GTF2IRD1: variants seen among roughly 807,000 people sequenced by gnomAD.
GTF2IRD1 encodes GTF2I repeat domain containing 1.
A neutral mutation model predicts 113.2 loss-of-function variants in GTF2IRD1; 26 were observed. The observed-to-expected ratio is 0.23, with a 90% confidence interval of 0.17 to 0.32. The LOEUF (loss-of-function observed/expected upper bound fraction) is 0.32, where lower values mean the gene tolerates loss of function less well. GTF2IRD1 is among the 10% of genes least tolerant of loss of function. The probability of loss-of-function intolerance (pLI) is 1.00; values close to 1 mark genes in which losing one functional copy is unlikely to be tolerated. For missense variants in GTF2IRD1, 864 were observed against 1,280.8 expected (o/e 0.67, Z 4.97); for synonymous variants, 484 against 529.1 (o/e 0.91, Z 1.17).
chr7:74,566,006 AACACACAC>A (rs66556824), intron 22 of GTF2IRD1, among the ~76,000 whole-genome samples: 3 of 143,216 alleles, frequency 2.1e-5, no homozygotes, highest in South Asian at 4.6e-4. Flanking sequence ...AAGACACACA[AACACACAC>A]ACACACACAC....
At chr7:74,490,026 G>A (rs37607) in intron 1 of GTF2IRD1, among the ~76,000 whole-genome samples, 38,721 of 151,918 alleles carry the variant, frequency 0.25, 5,671 homozygotes, top group Middle Eastern at 0.34. Context: ...GGACTGCAGT[G>A]CTGCAGTCAT....
chr7:74,516,051 C>T, intron 4 of GTF2IRD1, among the ~76,000 whole-genome samples: 1 of 152,270 alleles, frequency 6.6e-6, no homozygotes, highest in East Asian at 1.9e-4. Flanking sequence ...ACCTTCTTCT[C>T]CCACTAGGTG....
At chr7:74,563,211 T>C (rs1187029514) in intron 22 of GTF2IRD1, among the ~76,000 whole-genome samples, 2 of 151,968 alleles carry the variant, frequency 1.3e-5, no homozygotes, top group African/African-American at 4.8e-5. Flanking sequence ...GGTGAAGAGA[T>C]GACTGTGGCA....
intron 25 of GTF2IRD1, among the ~76,000 whole-genome samples, chr7:74,599,603 G>A (rs1185666946): frequency 1.3e-5 from 2 of 152,138 alleles, no homozygotes; most frequent in Non-Finnish European, 2.9e-5. Flanking sequence ...TTCTTTCACT[G>A]GGGCACTGCC....
intron 1 of GTF2IRD1, among the ~76,000 whole-genome samples, chr7:74,504,892 G>C (rs1292055113): frequency 1.3e-5 from 2 of 151,762 alleles, no homozygotes; most frequent in Non-Finnish European, 2.9e-5. Context: ...ATTTTTAGTA[G>C]AGACGGGGTT....
intron 1 of GTF2IRD1, among the ~76,000 whole-genome samples, chr7:74,491,429 A>G (rs1359169959): frequency 7.0e-6 from 1 of 143,128 alleles, no homozygotes; most frequent in African/African-American, 2.6e-5. Context: ...TCACCCAGGT[A>G]TTAAGCCCAG....
chr7:74,535,283 G>A, intron 10 of GTF2IRD1, 145 bp downstream of exon 10: 1 of 719,656 alleles, frequency 1.4e-6, no homozygotes, highest in South Asian at 1.5e-5. Flanking sequence ...TGTGTCCTGG[G>A]ACAGAAATGG....
chr7:74,577,227 C>T (rs372662286), intron 22 of GTF2IRD1, among the ~76,000 whole-genome samples: 11 of 152,062 alleles, frequency 7.2e-5, no homozygotes, highest in African/African-American at 2.2e-4. Context: ...TTAGTAGAGA[C>T]GGGATTTCGC....
chr7:74,529,432 T>G (rs1426912892), intron 8 of GTF2IRD1, among the ~76,000 whole-genome samples: 8 of 151,830 alleles, frequency 5.3e-5, no homozygotes, highest in Admixed American at 5.3e-4. Flanking sequence ...TGTATTTTAC[T>G]TTCTGCAGAG....
rs569898945 is a variant in GTF2IRD1, at chr7:74,468,259, C to T, written c.-7+14083C>T. ...GCTCAGGCATGTAATTTTAGCACTTCGGAAGGCCGAGATGGGCAGATTGCT... is the reference window on the plus strand; with the variant it reads ...GCTCAGGCATGTAATTTTAGCACTTTGGAAGGCCGAGATGGGCAGATTGCT... On this transcript the variant is annotated intron_variant, in intron 1 of 26. Coordinates refer to ENST00000424337, the MANE Select transcript of GTF2IRD1 (RefSeq NM_005685.4). Among the ~76,000 whole-genome samples the T allele has an allele frequency of 2.6e-5, 4 of 151,834 alleles. No homozygotes were observed. In the East Asian group the frequency reaches 5.8e-4, roughly 22 times the overall value.
chr7:74,538,245 T>G, intron 12 of GTF2IRD1, 72 bp downstream of exon 12: 1 of 1,474,012 alleles, frequency 6.8e-7, no homozygotes, highest in East Asian at 2.3e-5. Context: ...CCGGCAGCCT[T>G]GGGGAGGAGC....
chr7:74,463,863 A>G (rs558374068), intron 1 of GTF2IRD1, among the ~76,000 whole-genome samples: 1 of 152,052 alleles, frequency 6.6e-6, no homozygotes, highest in East Asian at 1.9e-4. Flanking sequence ...AGCTGGGATC[A>G]CAGGTGCGTG....
chr7:74,507,697 A>G, intron 1 of GTF2IRD1: 1 of 192,046 alleles, frequency 5.2e-6, no homozygotes, highest in Non-Finnish European at 1.1e-5. Flanking sequence ...TACCAGGCTG[A>G]GGAGTTGAGA....
chr7:74,599,101 A>T (rs1802592690), intron 25 of GTF2IRD1, among the ~76,000 whole-genome samples: 2 of 152,032 alleles, frequency 1.3e-5, no homozygotes, highest in Non-Finnish European at 2.9e-5. Context: ...TCAAGACCAG[A>T]CTGGGCAACA....
intron 22 of GTF2IRD1, among the ~76,000 whole-genome samples, chr7:74,570,698 G>T (rs1326774296): frequency 6.6e-6 from 1 of 152,134 alleles, no homozygotes; most frequent in African/African-American, 2.4e-5. Context: ...AGTGGTTAAC[G>T]TTTTTTAAAA....
At chr7:74,508,317 T>C in intron 2 of GTF2IRD1, 114 bp downstream of exon 2, 1 of 1,129,336 alleles carries the variant, frequency 8.9e-7, no homozygotes, top group Non-Finnish European at 1.3e-6. Flanking sequence ...TGAACCTCAG[T>C]TTATCTGACT....
chr7:74,510,355 G>A (rs185356035), intron 2 of GTF2IRD1, among the ~76,000 whole-genome samples: 1 of 149,750 alleles, frequency 6.7e-6, no homozygotes, highest in African/African-American at 2.5e-5. Context: ...CACCCAGGCT[G>A]GAGTGCAATG....
chr7:74,561,552 G>A (rs1480642110), intron 22 of GTF2IRD1, among the ~76,000 whole-genome samples: 1 of 151,608 alleles, frequency 6.6e-6, no homozygotes, highest in Non-Finnish European at 1.5e-5. Flanking sequence ...AACGGCAGGG[G>A]TTGGGGGGTC....
intron 22 of GTF2IRD1, among the ~76,000 whole-genome samples, chr7:74,574,253 C>T (rs587642565): frequency 8.0e-4 from 119 of 149,400 alleles, no homozygotes; most frequent in Middle Eastern, 3.6e-3. Context: ...CCACCTGCCT[C>T]GACCTCCCAA....
Sources: allele counts gnomAD v4.1 joint callset (sites outside exome capture counted in the v4.1 genomes callset), GRCh38; gene constraint gnomAD v4.1.1; transcripts MANE v1.5; gene names NCBI Gene and HGNC (gene_info 2026-07-23, HGNC 2026-07-21).